Variants in TSHR observed in about 807,000 individuals in gnomAD.
TSHR encodes thyroid stimulating hormone receptor.
Under a neutral mutation model 64.1 loss-of-function variants are expected in TSHR, and 51 were observed. The observed-to-expected ratio is 0.80, with a 90% CI of 0.64 to 1.01. The LOEUF (loss-of-function observed/expected upper bound fraction) is 1.01. Ranked by LOEUF, TSHR falls within the 50% of genes least tolerant of loss-of-function variation. The pLI is 0.00. For missense variants in TSHR, 877 were observed against 942.8 expected (o/e 0.93, Z 0.91); for synonymous variants, 361 against 361.9 (o/e 1.00, Z 0.03).
At chr14:81,038,262 A>G (rs1185078910) in intron 1 of TSHR, among the ~76,000 whole-genome samples, 2 of 152,094 alleles carry the variant, frequency 1.3e-5, no homozygotes. Flanking sequence ...ATTTAAAATG[A>G]AAATTTAAAA....
At chr14:81,066,124 A>C (rs536847097) in intron 2 of TSHR, among the ~76,000 whole-genome samples, 1 of 152,214 alleles carries the variant, frequency 6.6e-6, no homozygotes, top group Non-Finnish European at 1.5e-5. Context: ...ACAGCCATAC[A>C]AAAAGATGTC....
intron 1 of TSHR, among the ~76,000 whole-genome samples, chr14:80,983,850 G>C (rs1888299952): frequency 6.6e-6 from 1 of 152,156 alleles, no homozygotes; most frequent in African/African-American, 2.4e-5. Context: ...AATGTTTGTT[G>C]ATTTTTTTCT....
At chr14:80,987,122 A>G (rs1468289640) in intron 1 of TSHR, among the ~76,000 whole-genome samples, 3 of 152,210 alleles carry the variant, frequency 2.0e-5, no homozygotes, top group African/African-American at 7.2e-5. Context: ...AACAAAGAAA[A>G]AAAGGAAACA....
At chr14:80,985,602 G>T (rs1189368592) in intron 1 of TSHR, among the ~76,000 whole-genome samples, 1 of 152,188 alleles carries the variant, frequency 6.6e-6, no homozygotes, top group Non-Finnish European at 1.5e-5. Flanking sequence ...TAAGACTCAT[G>T]GTGGGAATTG....
chr14:81,067,381 G>C (rs1487251822), intron 2 of TSHR, among the ~76,000 whole-genome samples: 1 of 151,566 alleles, frequency 6.6e-6, no homozygotes, highest in Non-Finnish European at 1.5e-5. Context: ...AACAGGCACA[G>C]TTCTGCATTT....
At chr14:81,096,372 C>A (rs1158749474) in intron 6 of TSHR, among the ~76,000 whole-genome samples, 1 of 152,134 alleles carries the variant, frequency 6.6e-6, no homozygotes, top group Non-Finnish European at 1.5e-5. Context: ...TCAATGGTAA[C>A]AAGTTTGTTA....
chr14:81,109,009 T>C (rs1890100213), intron 8 of TSHR: 19 of 1,245,054 alleles, frequency 1.5e-5, no homozygotes, highest in Non-Finnish European at 1.8e-5. Context: ...TCAGGTTCTA[T>C]TGATTCTGCT....
At chr14:81,098,036 C>T (rs1889328570) in intron 7 of TSHR, among the ~76,000 whole-genome samples, 1 of 152,188 alleles carries the variant, frequency 6.6e-6, no homozygotes, top group African/African-American at 2.4e-5. Flanking sequence ...ATGATACTAA[C>T]TTCTTACAAT....
intron 8 of TSHR, among the ~76,000 whole-genome samples, chr14:81,128,624 T>C (rs1290784434): frequency 6.6e-6 from 1 of 152,162 alleles, no homozygotes; most frequent in Non-Finnish European, 1.5e-5. Context: ...TCTCTCATCC[T>C]ACCTCCTATT....
At chr14:80,990,826 T>C (rs1888690611) in intron 1 of TSHR, among the ~76,000 whole-genome samples, 1 of 152,148 alleles carries the variant, frequency 6.6e-6, no homozygotes, top group Non-Finnish European at 1.5e-5. Context: ...GGCTAATTTT[T>C]ATATCGTTAG....
intron 7 of TSHR, among the ~76,000 whole-genome samples, chr14:81,100,692 C>G (rs1002244236): frequency 6.6e-6 from 1 of 152,190 alleles, no homozygotes; most frequent in African/African-American, 2.4e-5. Context: ...TCACAGAACT[C>G]AGGGAGACAC....
chr14:80,981,211 G>T (rs1006604377), intron 1 of TSHR, among the ~76,000 whole-genome samples: 15 of 152,208 alleles, frequency 9.9e-5, no homozygotes, highest in African/African-American at 3.6e-4. Flanking sequence ...ACTGCTCAGG[G>T]ATATATTTTA....
intron 8 of TSHR, among the ~76,000 whole-genome samples, chr14:81,132,928 T>C (rs1891309364): frequency 6.6e-6 from 1 of 152,118 alleles, no homozygotes; most frequent in Non-Finnish European, 1.5e-5. Context: ...AAATCCTGGA[T>C]TTGAAGTAAC....
intron 7 of TSHR, chr14:81,102,784 T>C (rs1889668660): frequency 1.0e-6 from 1 of 985,268 alleles, no homozygotes; most frequent in African/African-American, 1.7e-5. Flanking sequence ...TCAGTGAGGA[T>C]GACCATTGTG....
In TSHR at chr14:81,143,552, T is replaced by A. The variant is rs1238389635; in HGVS notation, c.1494T>A (p.Gly498=). The change falls in exon 10 of 10, where the codon GGT becomes GGA. Residue 498 remains glycine (G), a synonymous_variant. Coordinates refer to ENST00000298171, the MANE Select transcript of TSHR (RefSeq NM_000369.5). ...WQTGPGCNTA[G]FFTVFASELS... ...CAGGCCCTGGGTGCAACACGGCTGG[T>A]TTCTTCACTGTCTTTGCAAGCGAGT... is the stretch of plus-strand genomic sequence containing the variant. 1 of 1,613,106 alleles carries A rather than the reference T, an allele frequency of 6.2e-7. No individual in the cohort carries two copies. Among genetic ancestry groups the A allele is most frequent in the Admixed American group, 1.7e-5 (1 of 60,008 alleles).
At position 81,143,612 on chromosome 14, in the gene TSHR, G is replaced by C. The variant is rs750282571; in HGVS notation, c.1554G>C (p.Glu518Asp). The change falls in exon 10 of 10, where the codon GAG (glutamate) becomes GAC (aspartate). Residue 518 changes from glutamate to aspartate, a missense_variant. Coordinates refer to ENST00000298171, the MANE Select transcript of TSHR (RefSeq NM_000369.5). ...SVYTLTVITLERWYAITFAMR... is the reference protein window; with the variant it reads ...SVYTLTVITLDRWYAITFAMR... ...ATACGCTGACGGTCATCACCCTGGAGCGCTGGTATGCCATCACCTTCGCCA... is the reference window on the plus strand; with the variant it reads ...ATACGCTGACGGTCATCACCCTGGACCGCTGGTATGCCATCACCTTCGCCA... The C allele has an allele frequency of 1.2e-6, 2 of 1,613,708 alleles. No homozygotes were observed. The highest frequency in any genetic ancestry group is 1.7e-6 in the Non-Finnish European group (2 of 1,180,038).
intron 3 of TSHR, 44 bp downstream of exon 3, chr14:81,068,372 C>T (rs556708748): frequency 7.6e-6 from 12 of 1,579,874 alleles, no homozygotes; most frequent in South Asian, 1.1e-5. Flanking sequence ...GCCACAACCA[C>T]TCTTGACTGA....
Position 81,068,342 on chromosome 14 carries a change from A to G in TSHR, c.317+14A>G. The G allele has an allele frequency of 6.2e-7, 1 of 1,611,838 alleles. No homozygotes were observed. Among genetic ancestry groups the G allele is most frequent in the Non-Finnish European group, 8.5e-7 (1 of 1,178,648 alleles). ...AGTGACTCACATGTAAGTACAAGGA[A>G]AAGTGCAGCATAGACCTAAGCCACA... is the stretch of plus-strand genomic sequence containing the variant. On this transcript the variant is annotated intron_variant, in intron 3 of 9. Coordinates refer to ENST00000298171, the MANE Select transcript of TSHR (RefSeq NM_000369.5).
At chr14:81,136,911 T>A (rs1001851105) in intron 8 of TSHR, among the ~76,000 whole-genome samples, 2 of 152,184 alleles carry the variant, frequency 1.3e-5, no homozygotes, top group African/African-American at 4.8e-5. Context: ...CCTGGATCTG[T>A]GTTCAAAGAC....
Sources: gnomAD v4.1 joint callset for allele counts (sites outside exome capture counted in the v4.1 genomes callset) on GRCh38, gnomAD v4.1.1 for gene constraint, MANE v1.5 for transcripts, NCBI Gene and HGNC (gene_info 2026-07-23, HGNC 2026-07-21) for gene names.